FRMD3: variants seen among roughly 807,000 people sequenced by gnomAD.
FRMD3 encodes FERM domain-containing protein 3.
FRMD3 carries 33 observed loss-of-function variants against 70.2 expected under a neutral mutation model. That is an observed-to-expected ratio of 0.47 (90% CI 0.36 to 0.63). FRMD3 has a LOEUF of 0.63. Among genes scored for constraint, FRMD3 ranks in the 20% least tolerant of loss-of-function variants. The pLI, the probability that FRMD3 is intolerant of heterozygous loss-of-function variation, is 0.00. For synonymous variants in FRMD3, 279 were observed against 255.9 expected, an observed-to-expected ratio of 1.09 and a Z score of -0.86; for missense variants, 632 against 711.4, an observed-to-expected ratio of 0.89 and a Z score of 1.27.
chr9:83,383,812 T>A (rs1825430405), intron 2 of FRMD3, among the ~76,000 whole-genome samples: 1 of 152,208 alleles, frequency 6.6e-6, no homozygotes, highest in African/African-American at 2.4e-5. Flanking sequence ...CCCCTTCCAC[T>A]ATAATGTGCA....
intron 13 of FRMD3, among the ~76,000 whole-genome samples, chr9:83,261,100 T>TACACACAC (rs1402795499): frequency 0.032 from 852 of 27,046 alleles, 7 homozygotes; most frequent in African/African-American, 0.077. Flanking sequence ...AAAGGAAACT[T>TACACACAC]AGACACACAC....
In FRMD3 at chr9:83,501,298, A is replaced by T. The variant is rs193078936; in HGVS notation, c.147+36787T>A. Among the ~76,000 whole-genome samples, 50 of 152,304 alleles carry T rather than the reference A, an allele frequency of 3.3e-4. No individual in the cohort carries two copies. The East Asian group carries it at 8.7e-3, about 26-fold the overall frequency. On this transcript the variant is annotated intron_variant, in intron 1 of 13. Transcript: ENST00000304195. ...GACAGAGCGAGACTCCATCTCAAAA[A>T]AAAAAACTACACTTCTTTGCATATA...
At chr9:83,389,481 G>T in intron 2 of FRMD3, 123 bp downstream of exon 2, 4 of 686,146 alleles carry the variant, frequency 5.8e-6, no homozygotes, top group Non-Finnish European at 1.1e-5. Flanking sequence ...CTCACACAGG[G>T]TTTCATGTGC....
intron 10 of FRMD3, 136 bp from the exon 11 acceptor site, chr9:83,299,322 C>A: frequency 1.7e-6 from 1 of 597,742 alleles, no homozygotes; most frequent in East Asian, 2.9e-5. Flanking sequence ...CTGCATTGTG[C>A]ACACAAAATA....
At chr9:83,507,689 T>C (rs201313267) in intron 1 of FRMD3, among the ~76,000 whole-genome samples, 832 of 29,960 alleles carry the variant, frequency 0.028, 50 homozygotes, top group African/African-American at 0.082. Flanking sequence ...AAAATATACA[T>C]ACATATATAT....
intron 1 of FRMD3, among the ~76,000 whole-genome samples, chr9:83,453,981 C>T (rs1024201283): frequency 6.6e-5 from 10 of 152,116 alleles, no homozygotes; most frequent in Non-Finnish European, 1.5e-4. Flanking sequence ...TACTAAAGTG[C>T]TGGGATTACA....
chr9:83,419,642 GAT>G (rs1826572080), intron 1 of FRMD3, among the ~76,000 whole-genome samples: 1 of 151,504 alleles, frequency 6.6e-6, no homozygotes, highest in Admixed American at 6.6e-5. Flanking sequence ...GAATGTGTGT[GAT>G]ATGTGTTCAT....
At chr9:83,334,890 T>C (rs1204804337) in intron 6 of FRMD3, among the ~76,000 whole-genome samples, 1 of 152,174 alleles carries the variant, frequency 6.6e-6, no homozygotes. Flanking sequence ...CCCTCATCTG[T>C]AATATGAGAA....
At chr9:83,410,604 G>A (rs1261616993) in intron 1 of FRMD3, among the ~76,000 whole-genome samples, 1 of 152,176 alleles carries the variant, frequency 6.6e-6, no homozygotes, top group Non-Finnish European at 1.5e-5. Context: ...GTGCTGTGAT[G>A]AACATACAAG....
chr9:83,315,419 C>T (rs1835529940), intron 6 of FRMD3, among the ~76,000 whole-genome samples: 1 of 152,120 alleles, frequency 6.6e-6, no homozygotes, highest in Admixed American at 6.5e-5. Flanking sequence ...ACCCAAATCT[C>T]ATGTCGAATT....
intron 3 of FRMD3, among the ~76,000 whole-genome samples, chr9:83,362,819 C>T (rs73463664): frequency 1.9e-4 from 18 of 95,848 alleles, no homozygotes; most frequent in African/African-American, 7.1e-4. Flanking sequence ...TCCTTCCCTC[C>T]CTCCTTCCTT....
chr9:83,290,417 C>T (rs1834371254), intron 13 of FRMD3, among the ~76,000 whole-genome samples, 186 bp downstream of exon 13: 1 of 152,172 alleles, frequency 6.6e-6, no homozygotes, highest in Admixed American at 6.5e-5. Flanking sequence ...CCAAGAGAAA[C>T]TAATAGAGCT....
chr9:83,343,794 C>CT, intron 4 of FRMD3, among the ~76,000 whole-genome samples: 1 of 152,234 alleles, frequency 6.6e-6, no homozygotes, highest in East Asian at 1.9e-4. Context: ...AGAAAGGCAA[C>CT]TAACTGATTC....
intron 1 of FRMD3, among the ~76,000 whole-genome samples, chr9:83,413,711 C>T (rs1826343691): frequency 6.6e-6 from 1 of 152,064 alleles, no homozygotes; most frequent in Non-Finnish European, 1.5e-5. Context: ...TTTAGATCAT[C>T]AGAAATCCAT....
chr9:83,489,844 A>G (rs1828776579), intron 1 of FRMD3, among the ~76,000 whole-genome samples: 1 of 152,236 alleles, frequency 6.6e-6, no homozygotes, highest in Admixed American at 6.5e-5. Context: ...CTCAATCAAT[A>G]TGGCAACCAG....
chr9:83,573,908 T>C, the FRMD3 span, among the ~76,000 whole-genome samples: 1 of 152,114 alleles, frequency 6.6e-6, no homozygotes, highest in East Asian at 1.9e-4. Context: ...AAAAGGGCTG[T>C]GTTGTTTTCA....
chr9:83,377,620 C>T (rs959061467), intron 2 of FRMD3, among the ~76,000 whole-genome samples: 2 of 152,006 alleles, frequency 1.3e-5, no homozygotes, highest in African/African-American at 4.8e-5. Flanking sequence ...GTGGCACCTT[C>T]CTCCTCTCTC....
intron 1 of FRMD3, among the ~76,000 whole-genome samples, chr9:83,398,424 G>A (rs950458664): frequency 1.3e-5 from 2 of 152,140 alleles, no homozygotes; most frequent in Non-Finnish European, 2.9e-5. Context: ...CAAGAATAGA[G>A]GAACCTCTCA....
intron 1 of FRMD3, among the ~76,000 whole-genome samples, chr9:83,479,916 T>A (rs11140112): frequency 6.6e-6 from 1 of 151,776 alleles, no homozygotes; most frequent in South Asian, 2.1e-4. Flanking sequence ...AATGATTCAA[T>A]AGGCAAAAAT....
Sources: allele counts gnomAD v4.1 joint callset (sites outside exome capture counted in the v4.1 genomes callset), GRCh38; gene constraint gnomAD v4.1.1; transcripts MANE v1.5; gene names NCBI Gene and HGNC (gene_info 2026-07-23, HGNC 2026-07-21).